Variants in RAB38 observed in about 807,000 individuals in gnomAD.
The protein encoded by RAB38 is ras-related protein Rab-38.
A neutral mutation model predicts 18.4 loss-of-function variants in RAB38; 15 were observed. That is an observed-to-expected ratio of 0.82 (90% confidence interval 0.55 to 1.26). The LOEUF (loss-of-function observed/expected upper bound fraction) is 1.26, where lower values mean the gene tolerates loss of function less well. Among genes scored for constraint, RAB38 ranks in the 50% most tolerant of loss-of-function variants. The probability of loss-of-function intolerance (pLI) is 0.00; values close to 1 mark genes in which losing one functional copy is unlikely to be tolerated. For missense variants in RAB38, 294 were observed against 267.4 expected (o/e 1.10, Z -0.69); for synonymous variants, 101 against 104.4 (o/e 0.97, Z 0.20).
the RAB38 span, among the ~76,000 whole-genome samples, chr11:87,874,213 T>A: frequency 1.3e-5 from 2 of 151,280 alleles, no homozygotes; most frequent in Non-Finnish European, 1.5e-5. Context: ...CTAGAATCAG[T>A]TATTGCACAT....
the RAB38 span, among the ~76,000 whole-genome samples, chr11:88,049,165 T>C: frequency 6.6e-6 from 1 of 152,006 alleles, no homozygotes; most frequent in East Asian, 1.9e-4. Flanking sequence ...CAAAAAAATT[T>C]TCACCGCCCC....
At chr11:88,004,032 T>C in the RAB38 span, among the ~76,000 whole-genome samples, 4 of 140,244 alleles carry the variant, frequency 2.9e-5, no homozygotes, top group Admixed American at 2.3e-4. Flanking sequence ...TCTTCTATTT[T>C]ATATATATAT....
chr11:88,036,615 T>C, the RAB38 span, among the ~76,000 whole-genome samples: 210 of 152,252 alleles, frequency 1.4e-3, no homozygotes, highest in Middle Eastern at 6.8e-3. Flanking sequence ...TTCAAAATAT[T>C]ATTTTCTCAG....
chr11:88,138,782 T>G (rs1440195627), intron 2 of RAB38, among the ~76,000 whole-genome samples: 1 of 112,904 alleles, frequency 8.9e-6, no homozygotes, highest in Non-Finnish European at 1.9e-5. Context: ...ATTATTCTTT[T>G]TTTTTTATTA....
chr11:87,911,377 AC>A, the RAB38 span, among the ~76,000 whole-genome samples: 1 of 152,030 alleles, frequency 6.6e-6, no homozygotes, highest in Non-Finnish European at 1.5e-5. Context: ...TAACATCTTA[AC>A]CTTTTTGAGT....
chr11:88,017,023 C>T, the RAB38 span, among the ~76,000 whole-genome samples: 1 of 151,808 alleles, frequency 6.6e-6, no homozygotes, highest in Admixed American at 6.6e-5. Context: ...AGAAGGTGCC[C>T]CTAGGGTTTC....
the RAB38 span, among the ~76,000 whole-genome samples, chr11:87,871,267 C>T: frequency 3.3e-5 from 5 of 151,690 alleles, no homozygotes; most frequent in South Asian, 1.0e-3. Flanking sequence ...GATCCATTCC[C>T]AACAACCCCT....
intron 2 of RAB38, chr11:88,115,715 C>T (rs1942541752): frequency 6.6e-6 from 1 of 152,158 alleles, no homozygotes; most frequent in South Asian, 2.1e-4. Flanking sequence ...CCTCCCTTTC[C>T]CCAGCTATAA....
chr11:87,923,283 A>G, the RAB38 span, among the ~76,000 whole-genome samples: 1 of 151,928 alleles, frequency 6.6e-6, no homozygotes, highest in Non-Finnish European at 1.5e-5. Flanking sequence ...TCCAAATGCA[A>G]TAGCTAAGTG....
the RAB38 span, among the ~76,000 whole-genome samples, chr11:88,017,062 A>T: frequency 1.2e-4 from 19 of 152,066 alleles, no homozygotes; most frequent in Non-Finnish European, 2.4e-4. Context: ...TTCACAGACA[A>T]GGCAAAGCTT....
At chr11:87,968,913 G>T in the RAB38 span, among the ~76,000 whole-genome samples, 1 of 152,086 alleles carries the variant, frequency 6.6e-6, no homozygotes, top group African/African-American at 2.4e-5. Context: ...GGAGGATGGG[G>T]GGCAGGTGAG....
chr11:87,948,749 T>C, the RAB38 span, among the ~76,000 whole-genome samples: 1 of 148,406 alleles, frequency 6.7e-6, no homozygotes, highest in Non-Finnish European at 1.5e-5. Flanking sequence ...GCCCACTTGA[T>C]CATGGTGGAT....
chr11:87,807,851 C>T, the RAB38 span, among the ~76,000 whole-genome samples: 1 of 152,188 alleles, frequency 6.6e-6, no homozygotes. Flanking sequence ...CAAACAGCTG[C>T]TCTCACTAGG....
At chr11:87,938,619 G>GTTTTTTTT in the RAB38 span, among the ~76,000 whole-genome samples, 2 of 99,852 alleles carry the variant, frequency 2.0e-5, no homozygotes, top group African/African-American at 8.7e-5. Context: ...GCTCTTTTCC[G>GTTTTTTTT]TTTTTTTTTT....
chr11:88,033,706 C>G, the RAB38 span, among the ~76,000 whole-genome samples: 2 of 147,530 alleles, frequency 1.4e-5, no homozygotes, highest in Non-Finnish European at 3.0e-5. Context: ...TCTCTCACCT[C>G]AAGGATCTGT....
chr11:88,043,232 C>G, the RAB38 span, among the ~76,000 whole-genome samples: 1 of 152,176 alleles, frequency 6.6e-6, no homozygotes, highest in Non-Finnish European at 1.5e-5. Flanking sequence ...TGGCAACACT[C>G]TCAGCTAGAT....
the RAB38 span, among the ~76,000 whole-genome samples, chr11:87,849,230 A>G: frequency 6.7e-4 from 102 of 152,220 alleles, no homozygotes; most frequent in African/African-American, 2.0e-3. Context: ...ATCTGACCCA[A>G]GTTTCTTGGG....
chr11:87,868,284 T>A, the RAB38 span, among the ~76,000 whole-genome samples: 3 of 151,610 alleles, frequency 2.0e-5, no homozygotes, highest in Non-Finnish European at 4.4e-5. Flanking sequence ...ACCTCTTTCC[T>A]CTTTCTCTTG....
At chr11:88,106,752 T>C in the RAB38 span, among the ~76,000 whole-genome samples, 811 of 152,332 alleles carry the variant, frequency 5.3e-3, 8 homozygotes, top group Middle Eastern at 0.014. Context: ...AGACTTACTT[T>C]GTTTAGTTTA....
Sources: gnomAD v4.1 joint callset for allele counts (sites outside exome capture counted in the v4.1 genomes callset) on GRCh38, gnomAD v4.1.1 for gene constraint, MANE v1.5 for transcripts, NCBI Gene and HGNC (gene_info 2026-07-23, HGNC 2026-07-21) for gene names.